Variants in NBEA observed in about 807,000 individuals in gnomAD.
NBEA encodes neurobeachin.
Under a neutral mutation model 343.4 loss-of-function variants are expected in NBEA, and 44 were observed. That is an observed-to-expected ratio of 0.13 (90% CI 0.10 to 0.16). The LOEUF (loss-of-function observed/expected upper bound fraction) is 0.16. Ranked by LOEUF, NBEA falls within the 10% of genes least tolerant of loss-of-function variation. The probability of loss-of-function intolerance (pLI) is 1.00; values close to 1 mark genes in which losing one functional copy is unlikely to be tolerated. For synonymous variants in NBEA, 1,175 were observed against 1,238.7 expected (o/e 0.95, Z 1.08); for missense variants, 2,555 against 3,631.3 (o/e 0.70, Z 7.62).
At chr13:34,947,347 A>G (rs545225356) in intron 1 of NBEA, among the ~76,000 whole-genome samples, 2 of 152,300 alleles carry the variant, frequency 1.3e-5, no homozygotes, top group Admixed American at 6.5e-5. Flanking sequence ...GGTAAATACT[A>G]TGCTGCTAAT....
At chr13:34,970,395 T>C (rs1159105110) in intron 1 of NBEA, among the ~76,000 whole-genome samples, 1 of 151,290 alleles carries the variant, frequency 6.6e-6, no homozygotes, top group African/African-American at 2.4e-5. Context: ...GAAGCTCTTA[T>C]TTGTCAATTT....
chr13:35,452,925 TCAC>T (rs2046379213), intron 40 of NBEA, among the ~76,000 whole-genome samples: 1 of 152,200 alleles, frequency 6.6e-6, no homozygotes, highest in Non-Finnish European at 1.5e-5. Context: ...GTCATAGTGG[TCAC>T]TGACCTCCAG....
At chr13:35,039,566 A>G (rs2062573851) in intron 1 of NBEA, among the ~76,000 whole-genome samples, 1 of 152,164 alleles carries the variant, frequency 6.6e-6, no homozygotes, top group Non-Finnish European at 1.5e-5. Context: ...ACATTCTTCA[A>G]CATACTTTTA....
At chr13:35,303,073 G>T (rs947842062) in intron 35 of NBEA, among the ~76,000 whole-genome samples, 15 of 152,150 alleles carry the variant, frequency 9.9e-5, no homozygotes, top group African/African-American at 3.6e-4. Context: ...CAGATAGCAG[G>T]ATAGACAGAA....
At chr13:35,461,264 G>T (rs1418629701) in intron 40 of NBEA, among the ~76,000 whole-genome samples, 1 of 152,148 alleles carries the variant, frequency 6.6e-6, no homozygotes, top group South Asian at 2.1e-4. Flanking sequence ...GCCACCCTTT[G>T]TTATGGTCAG....
At chr13:35,452,754 A>G (rs1352442025) in intron 40 of NBEA, among the ~76,000 whole-genome samples, 1 of 152,140 alleles carries the variant, frequency 6.6e-6, no homozygotes, top group Non-Finnish European at 1.5e-5. Flanking sequence ...TTGTCATGAT[A>G]TATGTCTGAG....
chr13:35,065,986 G>A (rs191081001), intron 8 of NBEA, among the ~76,000 whole-genome samples: 4 of 151,928 alleles, frequency 2.6e-5, no homozygotes, highest in African/African-American at 9.7e-5. Flanking sequence ...TGGAAACAGG[G>A]TCTCTCCTTC....
At chr13:35,357,487 C>G (rs1375463497) in intron 38 of NBEA, among the ~76,000 whole-genome samples, 1 of 151,922 alleles carries the variant, frequency 6.6e-6, no homozygotes, top group African/African-American at 2.4e-5. Flanking sequence ...GTGTGTTGTT[C>G]CCCTCTATAT....
chr13:35,061,618 T>G (rs1235068944), intron 8 of NBEA, among the ~76,000 whole-genome samples: 1 of 151,766 alleles, frequency 6.6e-6, no homozygotes, highest in Non-Finnish European at 1.5e-5. Flanking sequence ...TTGAGTTCTC[T>G]CCTTCATTTA....
intron 1 of NBEA, among the ~76,000 whole-genome samples, chr13:34,965,702 T>C (rs1223429789): frequency 1.3e-5 from 2 of 151,974 alleles, no homozygotes; most frequent in Non-Finnish European, 2.9e-5. Flanking sequence ...GGTTGGCAAA[T>C]GCACTTGGTT....
chr13:34,972,030 C>T (rs2060013605), intron 1 of NBEA, among the ~76,000 whole-genome samples: 1 of 151,944 alleles, frequency 6.6e-6, no homozygotes, highest in Non-Finnish European at 1.5e-5. Context: ...CATTATTGGT[C>T]AGTTCAGGGA....
At chr13:35,336,314 T>TAGAACA (rs1375370490) in intron 36 of NBEA, among the ~76,000 whole-genome samples, 10 of 152,126 alleles carry the variant, frequency 6.6e-5, no homozygotes, top group African/African-American at 2.4e-4. Context: ...AAAAACCAAA[T>TAGAACA]CAATAGAAAC....
intron 33 of NBEA, among the ~76,000 whole-genome samples, chr13:35,212,142 C>T (rs748507697): frequency 6.6e-6 from 1 of 152,270 alleles, no homozygotes; most frequent in East Asian, 1.9e-4. Flanking sequence ...ACACCAGGAA[C>T]GCCTACTTTG....
At chr13:35,401,684 G>A (rs190495037) in intron 38 of NBEA, among the ~76,000 whole-genome samples, 16 of 152,068 alleles carry the variant, frequency 1.1e-4, no homozygotes, top group Middle Eastern at 3.4e-3. Context: ...AATAAGATCC[G>A]TCTATTGCTT....
chr13:35,328,200 CAGTT>C (rs2038701712), intron 36 of NBEA, among the ~76,000 whole-genome samples: 1 of 151,800 alleles, frequency 6.6e-6, no homozygotes, highest in African/African-American at 2.4e-5. Flanking sequence ...TATTCAAAAT[CAGTT>C]ATAATAACAA....
At chr13:35,221,617 GA>G (rs1430814926) in intron 33 of NBEA, among the ~76,000 whole-genome samples, 1 of 151,842 alleles carries the variant, frequency 6.6e-6, no homozygotes, top group Non-Finnish European at 1.5e-5. Flanking sequence ...TTTTCTTCCA[GA>G]AAAAAATGTA....
intron 6 of NBEA, among the ~76,000 whole-genome samples, chr13:35,053,797 A>AC (rs2063149668): frequency 6.6e-6 from 1 of 152,170 alleles, no homozygotes; most frequent in Non-Finnish European, 1.5e-5. Flanking sequence ...GGTGCCAAAT[A>AC]CATTAGGAAC....
At chr13:35,309,670 G>A (rs1038589496) in intron 36 of NBEA, 78 bp downstream of exon 36, 1 of 736,212 alleles carries the variant, frequency 1.4e-6, no homozygotes, top group Non-Finnish European at 2.2e-6. Context: ...CCTACCATCT[G>A]TTCCAAAAAT....
intron 35 of NBEA, among the ~76,000 whole-genome samples, chr13:35,299,054 T>C (rs1433182015): frequency 6.6e-6 from 1 of 152,096 alleles, no homozygotes; most frequent in Non-Finnish European, 1.5e-5. Flanking sequence ...TCCTTATACT[T>C]ACTGACTTCA....
Sources: gnomAD v4.1 joint callset for allele counts (sites outside exome capture counted in the v4.1 genomes callset) on GRCh38, gnomAD v4.1.1 for gene constraint, MANE v1.5 for transcripts, NCBI Gene and HGNC (gene_info 2026-07-23, HGNC 2026-07-21) for gene names.